The following YY1AP1 variants were observed in gnomAD, a reference collection of about 807,000 sequenced individuals.
YY1AP1 encodes YY1-associated protein 1.
In YY1AP1, 43 loss-of-function variants were observed where a neutral mutation model predicts 39.9. The observed-to-expected ratio is 1.08, with a 90% CI of 0.84 to 1.39. YY1AP1 has a LOEUF of 1.39. YY1AP1 is among the 40% of genes most tolerant of loss of function. YY1AP1 has a pLI of 0.00. For synonymous variants in YY1AP1, 292 were observed against 331.3 expected (o/e 0.88, Z 1.29); for missense variants, 813 against 900.7 (o/e 0.90, Z 1.25).
At chr1:155,679,316 G>A in intron 4 of YY1AP1, 93 bp downstream of exon 4, 1 of 1,579,746 alleles carries the variant, frequency 6.3e-7, no homozygotes, top group Non-Finnish European at 8.6e-7. Context: ...GAAGCTGGCT[G>A]GGGATGAAAA....
chr1:155,685,636 A>G (rs1409628899), intron 2 of YY1AP1, among the ~76,000 whole-genome samples: 2 of 152,268 alleles, frequency 1.3e-5, no homozygotes, highest in Non-Finnish European at 2.9e-5. Context: ...AATTAAAAAT[A>G]TGGATCCTGT....
intron 2 of YY1AP1, among the ~76,000 whole-genome samples, chr1:155,682,187 A>G (rs1326915185): frequency 1.3e-5 from 2 of 152,152 alleles, no homozygotes; most frequent in African/African-American, 4.8e-5. Context: ...TCAAAGTCGA[A>G]ATGATTATCA....
At chr1:155,662,538 A>G (rs1451980348) in intron 9 of YY1AP1, among the ~76,000 whole-genome samples, 1 of 123,842 alleles carries the variant, frequency 8.1e-6, no homozygotes, top group Non-Finnish European at 1.6e-5. Context: ...CTGAACTTAA[A>G]CCATGACAAT....
chr1:155,662,914 G>C (rs985146966), intron 9 of YY1AP1, among the ~76,000 whole-genome samples: 1 of 152,036 alleles, frequency 6.6e-6, no homozygotes, highest in African/African-American at 2.4e-5. Flanking sequence ...TGAGGCAGGA[G>C]AATCACTTGA....
chr1:155,674,218 C>T (rs1040369793), intron 6 of YY1AP1, among the ~76,000 whole-genome samples: 2 of 142,640 alleles, frequency 1.4e-5, no homozygotes, highest in African/African-American at 2.6e-5. Flanking sequence ...ATGAGCAAAA[C>T]TAGCTCTACA....
chr1:155,681,592 A>G (rs1332905075), intron 2 of YY1AP1, among the ~76,000 whole-genome samples: 1 of 150,888 alleles, frequency 6.6e-6, no homozygotes, highest in Non-Finnish European at 1.5e-5. Flanking sequence ...CTGTCTCCAA[A>G]AAAAAAAGAG....
chr1:155,685,517 T>C lies in YY1AP1; in HGVS notation c.-21+2554A>G, dbSNP rs767036003. Among the ~76,000 whole-genome samples, 32 of 152,306 alleles carry C rather than the reference T, an allele frequency of 2.1e-4. 1 individual carries two copies. Among genetic ancestry groups the C allele is most frequent in the Middle Eastern group, 3.4e-3 (1 of 294 alleles). On this transcript the variant is annotated intron_variant, in intron 2 of 10. Transcript: ENST00000355499. ...TCAGAGTTTGAGAACAAAAAGATACTGACAAAGAACAAAGCCATAGATACT... is the reference window on the plus strand; with the variant it reads ...TCAGAGTTTGAGAACAAAAAGATACCGACAAAGAACAAAGCCATAGATACT...
chr1:155,688,963 GCCT>G (rs1653223148), upstream of YY1AP1: 6 of 1,605,736 alleles, frequency 3.7e-6, no homozygotes, highest in African/African-American at 2.7e-5. Context: ...GCTGCGGCTC[GCCT>G]CCTCCTCCAT....
At chr1:155,680,284 C>A (rs1651330201) in intron 3 of YY1AP1, 132 bp downstream of exon 3, 10 of 917,074 alleles carry the variant, frequency 1.1e-5, no homozygotes, top group Admixed American at 2.6e-5. Context: ...TCATTATATT[C>A]TTTCCCAGGT....
chr1:155,687,214 T>C (rs1652572315), intron 2 of YY1AP1, among the ~76,000 whole-genome samples: 1 of 152,106 alleles, frequency 6.6e-6, no homozygotes, highest in Admixed American at 6.5e-5. Flanking sequence ...TAAAGATATT[T>C]TGGCCCTTCA....
intron 1 of YY1AP1, 199 bp downstream of exon 1, chr1:155,688,460 G>A (rs201373497): frequency 2.6e-6 from 4 of 1,549,612 alleles, no homozygotes; most frequent in Non-Finnish European, 3.5e-6. Flanking sequence ...CCCGACTCCG[G>A]CCATGTAGCG....
At chr1:155,668,146 C>CA (rs1261392771) in intron 9 of YY1AP1, among the ~76,000 whole-genome samples, 1 of 151,954 alleles carries the variant, frequency 6.6e-6, no homozygotes, top group East Asian at 1.9e-4. Context: ...ACTAAAAATA[C>CA]AAAAAATTAG....
chr1:155,673,903 T>A (rs1200149187), intron 6 of YY1AP1, among the ~76,000 whole-genome samples: 1 of 152,070 alleles, frequency 6.6e-6, no homozygotes, highest in Non-Finnish European at 1.5e-5. Flanking sequence ...GGCTCACGCC[T>A]GTAATCCCAG....
chr1:155,666,981 C>G (rs1040988725), intron 9 of YY1AP1, among the ~76,000 whole-genome samples: 2 of 152,010 alleles, frequency 1.3e-5, no homozygotes, highest in Admixed American at 1.3e-4. Context: ...GCCTGGGTGA[C>G]AGAGACAGAT....
chr1:155,680,595 C>T, intron 2 of YY1AP1, 139 bp from the exon 3 acceptor site: 2 of 692,596 alleles, frequency 2.9e-6, no homozygotes, highest in South Asian at 1.7e-5. Context: ...GAGACAGGGT[C>T]TCACTCTGTC....
In YY1AP1 at chr1:155,672,727, T is replaced by A; in HGVS notation, c.416A>T (p.Glu139Val). ...EASSTRICLK[E>V]LGTFAQSSIA... ...GGAGCTTTGAGCAAAGGTTCCCAGC[T>A]CTTTCTGGGAAAACACGACACAAGG... The change falls in exon 7 of 11, where the codon GAG becomes GTG. Residue 139 changes from glutamate to valine, a missense_variant. Physicochemically the swap from Glu to Val is moderately radical, Grantham distance 121. This residue lies in a region of YY1AP1 where 196 missense variants were observed against 189.7 expected (regional missense o/e 1.03). Coordinates refer to ENST00000355499, the MANE Select transcript of YY1AP1 (RefSeq NM_139119.3). The A allele has an allele frequency of 6.2e-7, 1 of 1,614,146 alleles. No homozygotes were observed. The highest frequency in any genetic ancestry group is 8.5e-7 in the Non-Finnish European group (1 of 1,180,022).
chr1:155,686,802 G>A (rs1652462791), intron 2 of YY1AP1, among the ~76,000 whole-genome samples: 1 of 152,106 alleles, frequency 6.6e-6, no homozygotes, highest in African/African-American at 2.4e-5. Context: ...GACTCGGCAA[G>A]GACAGCTACG....
chr1:155,674,979 T>C (rs1460021990), intron 6 of YY1AP1, 31 bp downstream of exon 6: 1 of 1,559,044 alleles, frequency 6.4e-7, no homozygotes, highest in Non-Finnish European at 8.8e-7. Flanking sequence ...TATATTCTAG[T>C]CTATAGAATT....
intron 5 of YY1AP1, 85 bp downstream of exon 5, chr1:155,676,462 CA>C (rs1200515948): frequency 6.6e-7 from 1 of 1,516,982 alleles, no homozygotes; most frequent in Non-Finnish European, 9.1e-7. Flanking sequence ...CTGACATTTA[CA>C]AAGCTGCTAA....
Sources: allele counts gnomAD v4.1 joint callset (sites outside exome capture counted in the v4.1 genomes callset), GRCh38; gene constraint gnomAD v4.1.1; regional missense constraint gnomAD v4.1.1; transcripts MANE v1.5; gene names NCBI Gene and HGNC (gene_info 2026-07-23, HGNC 2026-07-21).